The following SLC18A2 variants were observed in gnomAD, a reference collection of about 807,000 sequenced individuals.
SLC18A2 encodes the protein synaptic vesicular amine transporter.
A neutral mutation model predicts 59.2 loss-of-function variants in SLC18A2; 33 were observed. The observed-to-expected ratio is 0.56, with a 90% CI of 0.42 to 0.75. The LOEUF is 0.75. SLC18A2 is among the 30% of genes least tolerant of loss of function. SLC18A2 has a pLI of 0.00. For missense variants in SLC18A2, 569 were observed against 668.6 expected, an observed-to-expected ratio of 0.85 and a Z score of 1.64; for synonymous variants, 228 against 253.5, an observed-to-expected ratio of 0.90 and a Z score of 0.95.
chr10:117,266,912 G>A, intron 11 of SLC18A2, 72 bp from the exon 12 acceptor site: 1 of 1,572,586 alleles, frequency 6.4e-7, no homozygotes, highest in South Asian at 1.1e-5. Flanking sequence ...TAATTGTTTT[G>A]ATTTTCATTG....
At position 117,278,826 on chromosome 10, in the gene SLC18A2, C is replaced by T. The variant is rs1245659756; in HGVS notation, c.*1560C>T. On this transcript the variant is annotated 3_prime_UTR_variant, in exon 16 of 16. Transcript: ENST00000644641. ...TTGAAGCAAACGAACTTCCAACTCACTTATTTGGCATTGGGCAACTTGGCC... is the reference window on the plus strand; with the variant it reads ...TTGAAGCAAACGAACTTCCAACTCATTTATTTGGCATTGGGCAACTTGGCC... The T allele has an allele frequency of 6.6e-6, 1 of 152,190 alleles. No homozygotes were observed. The allele number at this position is 152,190 out of a possible 1,614,324, so 9.4% of individuals were successfully genotyped here.
At chr10:117,243,742 C>T (rs528833399) in intron 2 of SLC18A2, among the ~76,000 whole-genome samples, 12 of 152,126 alleles carry the variant, frequency 7.9e-5, no homozygotes, top group Admixed American at 1.3e-4. Flanking sequence ...GGTGCCACCA[C>T]GCCCAGCTAA....
intron 3 of SLC18A2, among the ~76,000 whole-genome samples, chr10:117,247,688 TG>T (rs1419634592): frequency 1.3e-5 from 2 of 152,228 alleles, no homozygotes; most frequent in Admixed American, 6.5e-5. Context: ...CCTGTGGACA[TG>T]GAACCTCCCT....
rs1224271129 is a variant in SLC18A2, at chr10:117,277,622, A to G, written c.*356A>G. Reference sequence around the variant, plus strand: ...TAACAAACATTTGGGCAAAAATCATATTGGTAATGAGTGTTTAAAATTAAA... The same window carrying G: ...TAACAAACATTTGGGCAAAAATCATGTTGGTAATGAGTGTTTAAAATTAAA... On this transcript the variant is annotated 3_prime_UTR_variant, in exon 16 of 16. Coordinates refer to ENST00000644641, the MANE Select transcript of SLC18A2 (RefSeq NM_003054.6). 1.3e-5 allele frequency: 2 copies of G among 156,218 alleles called. No homozygotes were observed. The highest frequency in any genetic ancestry group is 6.5e-5 in the Admixed American group (1 of 15,438). 9.7% of individuals were successfully genotyped at this position (156,218 alleles called of 1,614,324 possible). A position where few individuals can be genotyped will look rare whatever the true frequency, so the allele number is the denominator to read the frequency against.
In SLC18A2 at chr10:117,277,906, T is replaced by G. The variant is rs1180235220; in HGVS notation, c.*640T>G. ...CACCTACCTAGAGAGAGTTGTAAAT[T>G]ATATGTTAACATGTTATCTGGTTGG... On this transcript the variant is annotated 3_prime_UTR_variant, in exon 16 of 16. Transcript: ENST00000644641. The G allele has an allele frequency of 2.6e-5, 4 of 152,200 alleles. No individual in the cohort carries two copies. The highest frequency in any genetic ancestry group is 5.9e-5 in the Non-Finnish European group (4 of 68,022). 9.4% of individuals were successfully genotyped at this position (152,200 alleles called of 1,614,324 possible).
intron 2 of SLC18A2, among the ~76,000 whole-genome samples, chr10:117,243,581 T>C (rs1377229671): frequency 1.3e-5 from 2 of 152,054 alleles, no homozygotes; most frequent in Non-Finnish European, 2.9e-5. Context: ...GTTTTGTTGT[T>C]GTTATTGTTG....
At chr10:117,252,297 T>G (rs363408) in intron 3 of SLC18A2, among the ~76,000 whole-genome samples, 6 of 151,772 alleles carry the variant, frequency 4.0e-5, no homozygotes, top group Admixed American at 3.9e-4. Flanking sequence ...TACAATTTTT[T>G]ATTAAAGCCT....
At chr10:117,267,652 A>G in intron 12 of SLC18A2, 21 bp from the exon 13 acceptor site, 1 of 1,527,008 alleles carries the variant, frequency 6.5e-7, no homozygotes, top group South Asian at 1.2e-5. Flanking sequence ...ATTTTAGCAT[A>G]ATGTTTATTT....
Position 117,270,150 on chromosome 10 carries a change from C to G in SLC18A2, c.1266C>G (p.Tyr422Ter). The G allele has an allele frequency of 1.2e-6, 2 of 1,614,218 alleles. No homozygotes were observed. The highest frequency in any genetic ancestry group is 1.7e-6 in the Non-Finnish European group (2 of 1,180,044). Residue 422 changes from tyrosine to a stop codon, truncating the protein, a stop_gained, in exon 14 of 16, where the codon TAC becomes TAG. Transcript: ENST00000644641. LOFTEE classifies it high-confidence loss of function. ...ACGTGTCCGTCTATGGGAGTGTGTA[C>G]GCCATTGCGGATGTGGCATTTTGTA... is the stretch of plus-strand genomic sequence containing the variant. ...LRHVSVYGSV[Y>*]AIADVAFCMG...
intron 9 of SLC18A2, 119 bp downstream of exon 9, chr10:117,255,776 A>T (rs762679193): frequency 1.2e-6 from 1 of 833,852 alleles, no homozygotes; most frequent in Non-Finnish European, 1.9e-6. Context: ...GGGCTATATA[A>T]AAAAACAGAA....
At chr10:117,255,547 T>C (rs372173879) in intron 8 of SLC18A2, 25 bp downstream of exon 8, 7 of 1,613,998 alleles carry the variant, frequency 4.3e-6, no homozygotes, top group African/African-American at 1.3e-5. Context: ...ATGAGGGCCC[T>C]GGGGGAGGGG....
rs750003830 is a variant in SLC18A2 at position 117,257,781 on chromosome 10, CT to C, written c.896-13del. 2 of 1,573,022 alleles carry C rather than the reference CT, an allele frequency of 1.3e-6. No homozygotes were observed. Among genetic ancestry groups the C allele is most frequent in the South Asian group, 2.3e-5 (2 of 86,460 alleles). ...AGGAGGCAGAAGCCACTACAAAGCC[CT>C]TTCCTCCCTTACAGGCTCCATCTGC... On this transcript the variant is annotated splice_polypyrimidine_tract_variant and intron_variant, in intron 9 of 15. Transcript: ENST00000644641.
chr10:117,241,773 T>A lies in SLC18A2; in HGVS notation c.80T>A (p.Phe27Tyr). 1 of 1,611,304 alleles carries A rather than the reference T, an allele frequency of 6.2e-7. No individual in the cohort carries two copies. The highest frequency in any genetic ancestry group is 8.5e-7 in the Non-Finnish European group (1 of 1,179,168). The change falls in exon 2 of 16, where the codon TTC becomes TAC. Residue 27 changes from phenylalanine (F) to tyrosine (Y), a missense_variant. Transcript: ENST00000644641. ...RSRKLILFIV[F>Y]LALLLDNMLL... is the part of the protein sequence containing the mutation. Reference sequence around the variant, plus strand: ...CGGAAGCTCATCCTGTTCATCGTGTTCCTGGCGCTGCTGCTGGACAACATG... The same window carrying A: ...CGGAAGCTCATCCTGTTCATCGTGTACCTGGCGCTGCTGCTGGACAACATG...
intron 10 of SLC18A2, among the ~76,000 whole-genome samples, chr10:117,260,129 T>C (rs894631312): frequency 1.3e-4 from 20 of 152,216 alleles, no homozygotes; most frequent in Admixed American, 3.9e-4. Context: ...GTTGTTGTTA[T>C]TGCAAAAACA....
At chr10:117,250,828 G>T (rs1844155290) in intron 3 of SLC18A2, among the ~76,000 whole-genome samples, 2 of 152,250 alleles carry the variant, frequency 1.3e-5, no homozygotes, top group Non-Finnish European at 2.9e-5. Context: ...GAGTCTTCAG[G>T]TAGGGAGGGA....
chr10:117,256,472 G>A (rs748380644), intron 9 of SLC18A2, among the ~76,000 whole-genome samples: 4 of 152,214 alleles, frequency 2.6e-5, no homozygotes, highest in Non-Finnish European at 5.9e-5. Flanking sequence ...ACTAGACCCA[G>A]TTAGGGTTAG....
chr10:117,243,173 G>A (rs1844074099), intron 2 of SLC18A2, among the ~76,000 whole-genome samples: 1 of 152,204 alleles, frequency 6.6e-6, no homozygotes, highest in Non-Finnish European at 1.5e-5. Context: ...CTTCCTGCAG[G>A]TTAATTTTTT....
At chr10:117,243,333 T>C (rs1004314582) in intron 2 of SLC18A2, among the ~76,000 whole-genome samples, 17 of 152,206 alleles carry the variant, frequency 1.1e-4, no homozygotes, top group African/African-American at 7.2e-5. Context: ...AAATATTCCT[T>C]GAAGGAACAA....
chr10:117,256,988 G>T (rs1844238452), intron 9 of SLC18A2, among the ~76,000 whole-genome samples: 1 of 152,240 alleles, frequency 6.6e-6, no homozygotes, highest in African/African-American at 2.4e-5. Context: ...CTGGGGAAGG[G>T]AGTTGAGAGC....
Sources: allele counts gnomAD v4.1 joint callset (sites outside exome capture counted in the v4.1 genomes callset), GRCh38; gene constraint gnomAD v4.1.1; transcripts MANE v1.5; gene names NCBI Gene and HGNC (gene_info 2026-07-23, HGNC 2026-07-21).